RNF217: variants seen among roughly 807,000 people sequenced by gnomAD.
RNF217 encodes ring finger protein 217, also known as E3 ubiquitin-protein ligase RNF217.
A neutral mutation model predicts 57.8 loss-of-function variants in RNF217; 31 were observed. The observed-to-expected ratio is 0.54, with a 90% CI of 0.40 to 0.72. The LOEUF (loss-of-function observed/expected upper bound fraction) is 0.72, where lower values mean the gene tolerates loss of function less well. RNF217 is among the 30% of genes least tolerant of loss of function. The pLI is 0.00. For synonymous variants in RNF217, 313 were observed against 294.0 expected, an observed-to-expected ratio of 1.06 and a Z score of -0.66; for missense variants, 696 against 708.3, an observed-to-expected ratio of 0.98 and a Z score of 0.20.
chr6:125,063,690 G>A (rs1787833014), intron 3 of RNF217, among the ~76,000 whole-genome samples: 1 of 152,022 alleles, frequency 6.6e-6, no homozygotes, highest in Admixed American at 6.6e-5. Context: ...AACATAACAG[G>A]ATTGGTAGTA....
chr6:124,972,720 C>T (rs891206969), intron 1 of RNF217, among the ~76,000 whole-genome samples: 7 of 152,120 alleles, frequency 4.6e-5, no homozygotes, highest in African/African-American at 7.2e-5. Context: ...ACTCTCTTTG[C>T]CCCATTCACA....
At chr6:125,050,049 G>A (rs1787251520) in intron 2 of RNF217, among the ~76,000 whole-genome samples, 1 of 151,866 alleles carries the variant, frequency 6.6e-6, no homozygotes, top group Admixed American at 6.6e-5. Context: ...TTCTTTGGGA[G>A]GTAGAGGAGG....
chr6:125,007,774 T>C (rs1288720817), intron 1 of RNF217, among the ~76,000 whole-genome samples: 2 of 152,190 alleles, frequency 1.3e-5, no homozygotes, highest in Non-Finnish European at 2.9e-5. Context: ...CAGACAGTAG[T>C]ACCTTTTATG....
Position 125,090,995 on chromosome 6 carries a change from G to T in RNF217, c.*8058G>T, listed in dbSNP as rs866816357. 6.6e-6 allele frequency: 1 copy of T among 151,946 alleles called. No homozygotes were observed. The highest frequency in any genetic ancestry group is 1.5e-5 in the Non-Finnish European group (1 of 67,864). The allele number at this position is 151,946 out of a possible 1,614,324, so 9.4% of individuals were successfully genotyped here. On this transcript the variant is annotated 3_prime_UTR_variant, in exon 6 of 6. Transcript: ENST00000521654. ...ATGCAGAAATCTCTCAAAAGAAATT[G>T]CAAAGGAAAAATTACGTTGAGATGA...
chr6:125,000,664 G>C (rs1412923890), intron 1 of RNF217, among the ~76,000 whole-genome samples: 2 of 151,890 alleles, frequency 1.3e-5, no homozygotes. Context: ...AGAGACCCTA[G>C]AATATATTTT....
intron 1 of RNF217, among the ~76,000 whole-genome samples, chr6:125,020,535 T>C (rs1029877429): frequency 7.9e-5 from 12 of 152,174 alleles, no homozygotes; most frequent in African/African-American, 2.7e-4. Flanking sequence ...GAACCATGAT[T>C]CATGGATGTG....
At chr6:124,972,125 G>T (rs1335132890) in intron 1 of RNF217, among the ~76,000 whole-genome samples, 1 of 152,144 alleles carries the variant, frequency 6.6e-6, no homozygotes, top group Non-Finnish European at 1.5e-5. Flanking sequence ...TCAAAGCCTT[G>T]CTTCTTTTTT....
intron 3 of RNF217, among the ~76,000 whole-genome samples, chr6:125,068,077 A>G (rs1230966590): frequency 6.6e-6 from 1 of 152,144 alleles, no homozygotes; most frequent in Non-Finnish European, 1.5e-5. Context: ...GTGTTTTTTT[A>G]AAAAGTATTT....
At chr6:124,969,440 T>G (rs1317059204) in intron 1 of RNF217, among the ~76,000 whole-genome samples, 2 of 152,176 alleles carry the variant, frequency 1.3e-5, no homozygotes, top group East Asian at 3.8e-4. Flanking sequence ...ATTTTTGCTT[T>G]AAAAATTCAA....
chr6:124,986,263 A>C (rs1280853740), intron 1 of RNF217, among the ~76,000 whole-genome samples: 4 of 152,186 alleles, frequency 2.6e-5, no homozygotes, highest in Non-Finnish European at 5.9e-5. Flanking sequence ...TAAATGCCTT[A>C]CCTTCTTTTG....
chr6:125,015,645 A>G (rs1423238314), intron 1 of RNF217, among the ~76,000 whole-genome samples: 1 of 151,948 alleles, frequency 6.6e-6, no homozygotes, highest in Non-Finnish European at 1.5e-5. Context: ...TTGTATATAT[A>G]TTGGTATTGC....
chr6:125,049,716 AAG>A (rs1787237023), intron 2 of RNF217, among the ~76,000 whole-genome samples: 1 of 151,936 alleles, frequency 6.6e-6, no homozygotes, highest in African/African-American at 2.4e-5. Context: ...TTATTAGGCA[AAG>A]AGAGCAGAAT....
intron 1 of RNF217, among the ~76,000 whole-genome samples, chr6:124,993,606 A>G (rs1214302527): frequency 6.6e-6 from 1 of 152,126 alleles, no homozygotes; most frequent in Non-Finnish European, 1.5e-5. Flanking sequence ...ATTGTAGCCT[A>G]TTCGGGTAGA....
At chr6:125,048,701 G>C (rs1787191347) in intron 2 of RNF217, among the ~76,000 whole-genome samples, 1 of 151,954 alleles carries the variant, frequency 6.6e-6, no homozygotes, top group South Asian at 2.1e-4. Context: ...ATATATGGGG[G>C]TTTTAATTTT....
intron 1 of RNF217, among the ~76,000 whole-genome samples, chr6:124,965,610 C>T (rs1783509295): frequency 6.6e-6 from 1 of 152,212 alleles, no homozygotes; most frequent in South Asian, 2.1e-4. Flanking sequence ...AAATAATAAA[C>T]AGCAACAAAA....
rs114569448 is a variant in RNF217, at chr6:125,025,802, T to C, written c.883-19409T>C. ...GAAGGAAGGAAGGAAGGAAGGGATA[T>C]TTACAAATGTACTCTCTTATGAGTG... On this transcript the variant is annotated intron_variant, in intron 1 of 5. Coordinates refer to ENST00000521654, the MANE Select transcript of RNF217 (RefSeq NM_001286398.3). 9.2e-3 allele frequency among the ~76,000 whole-genome samples: 1,395 copies of C among 151,930 alleles called. 26 individuals are homozygous for C. The highest frequency in any genetic ancestry group is 0.032 in the African/African-American group (1,334 of 41,404).
intron 1 of RNF217, among the ~76,000 whole-genome samples, chr6:125,037,886 T>C (rs1786707204): frequency 6.6e-6 from 1 of 152,200 alleles, no homozygotes; most frequent in African/African-American, 2.4e-5. Flanking sequence ...CCTTGTAAAC[T>C]ATCATGACCA....
intron 1 of RNF217, among the ~76,000 whole-genome samples, chr6:124,985,900 T>A (rs1264131498): frequency 6.6e-6 from 1 of 152,164 alleles, no homozygotes; most frequent in African/African-American, 2.4e-5. Context: ...AATCAACTTT[T>A]TGGTATTTCT....
chr6:124,981,291 C>T (rs954290759), intron 1 of RNF217, among the ~76,000 whole-genome samples: 5 of 152,064 alleles, frequency 3.3e-5, no homozygotes, highest in East Asian at 1.9e-4. Context: ...ATATCTGAGA[C>T]GGGTTTCAGT....
Sources: gnomAD v4.1 joint callset for allele counts (sites outside exome capture counted in the v4.1 genomes callset) on GRCh38, gnomAD v4.1.1 for gene constraint, MANE v1.5 for transcripts, NCBI Gene and HGNC (gene_info 2026-07-23, HGNC 2026-07-21) for gene names.